PGLYRP3: variants seen among roughly 807,000 people sequenced by gnomAD.
PGLYRP3 encodes peptidoglycan recognition protein I alpha.
Under a neutral mutation model 36.0 loss-of-function variants are expected in PGLYRP3, and 39 were observed. The ratio of observed to expected loss-of-function variants is 1.08; its 90% confidence interval spans 0.84 to 1.41. PGLYRP3 has a LOEUF of 1.41. Among genes scored for constraint, PGLYRP3 ranks in the 40% most tolerant of loss-of-function variants. The pLI is 0.00. For synonymous variants in PGLYRP3, 204 were observed against 172.8 expected (o/e 1.18, Z -1.42); for missense variants, 407 against 427.9 (o/e 0.95, Z 0.43).
At chr1:153,299,333 C>A (rs1013683961) in intron 6 of PGLYRP3, 102 bp from the exon 7 acceptor site, 5 of 867,472 alleles carry the variant, frequency 5.8e-6, no homozygotes, top group Non-Finnish European at 9.2e-6. Context: ...ATCCATTCAT[C>A]CAATATTGAC....
chr1:153,306,860 G>A (rs1659749763), intron 3 of PGLYRP3, among the ~76,000 whole-genome samples: 2 of 152,146 alleles, frequency 1.3e-5, no homozygotes, highest in African/African-American at 4.8e-5. Flanking sequence ...CACCAGAATC[G>A]AAAGCCACTT....
chr1:153,311,665 A>G (rs1650551794), intron 1 of PGLYRP3, among the ~76,000 whole-genome samples: 1 of 152,224 alleles, frequency 6.6e-6, no homozygotes, highest in Admixed American at 6.5e-5. Context: ...GCTACCACCC[A>G]AAACATCAAC....
At chr1:153,306,500 C>T (rs1659741409) in intron 3 of PGLYRP3, among the ~76,000 whole-genome samples, 2 of 152,226 alleles carry the variant, frequency 1.3e-5, no homozygotes, top group African/African-American at 2.4e-5. Context: ...GTGGGGTCCC[C>T]GGACTTGCTG....
intron 3 of PGLYRP3, among the ~76,000 whole-genome samples, chr1:153,306,859 C>T (rs572261242): frequency 2.0e-5 from 3 of 152,306 alleles, no homozygotes; most frequent in East Asian, 1.9e-4. Context: ...GCACCAGAAT[C>T]GAAAGCCACT....
chr1:153,308,517 G>A (rs758955531), intron 2 of PGLYRP3, among the ~76,000 whole-genome samples: 84 of 152,256 alleles, frequency 5.5e-4, no homozygotes, highest in Middle Eastern at 3.4e-3. Flanking sequence ...TCACCATTGC[G>A]ACCCTTGTGA....
Position 153,297,864 on chromosome 1 carries a change from G to T in PGLYRP3, c.*92C>A. ...GAGAAAGGATGGGCTGGCAGGGGAG[G>T]GGGACACAAGGTGCTGAGCCACCTT... is the stretch of plus-strand genomic sequence containing the variant. On this transcript the variant is annotated 3_prime_UTR_variant, in exon 8 of 8. Coordinates refer to ENST00000683862, the MANE Select transcript of PGLYRP3 (RefSeq NM_052891.3). The T allele has an allele frequency of 2.2e-6, 3 of 1,387,284 alleles. No homozygotes were observed. The highest frequency in any genetic ancestry group is 2.0e-6 in the Non-Finnish European group (2 of 1,002,672). The allele number at this position is 1,387,284 out of a possible 1,614,324, so 85.9% of individuals were successfully genotyped here. A position where few individuals can be genotyped will look rare whatever the true frequency, so the allele number is the denominator to read the frequency against.
chr1:153,298,110 AG>A lies in PGLYRP3; in HGVS notation c.871del (p.Leu291TrpfsTer7). 6.2e-7 allele frequency: 1 copy of A among 1,613,748 alleles called. No individual in the cohort carries two copies. Among genetic ancestry groups the A allele is most frequent in the Non-Finnish European group, 8.5e-7 (1 of 1,179,942 alleles). ...FVEKPPNAAA[L>X]EAAQDLIQCA... ...CTGGATCAGGTCCTGGGCCGCCTCC[AG>A]CGCTGCAGCATTTGGAGGCTTTTCT... On this transcript the variant is annotated frameshift_variant, in exon 8 of 8. Transcript: ENST00000683862. LOFTEE classifies it high-confidence loss of function.
rs747739039 is a variant in PGLYRP3, at chr1:153,299,228, G to T, written c.732C>A (p.Phe244Leu). 3.7e-6 allele frequency: 6 copies of T among 1,613,252 alleles called. No homozygotes were observed. The highest frequency in any genetic ancestry group is 5.1e-6 in the Non-Finnish European group (6 of 1,179,364). Residue 244 changes from phenylalanine (F) to leucine (L), a missense_variant, in exon 7 of 8, where the codon TTC (phenylalanine) becomes TTA (leucine). By Grantham distance (22) the Phe-to-Leu change is conservative (BLOSUM62 0). Transcript: ENST00000683862. ...TRNFCDIGYH[F>L]LVGQDGGVYE... ...ACACGCCACCATCCTGGCCCACCAGGAAGCTTAGGTCAGGAAAAGAAAATG... is the reference window on the plus strand; with the variant it reads ...ACACGCCACCATCCTGGCCCACCAGTAAGCTTAGGTCAGGAAAAGAAAATG...
rs200831497 is a variant in PGLYRP3, at chr1:153,310,616, G to A, written c.50C>T (p.Ala17Val). The change falls in exon 2 of 8, where the codon GCT (alanine) becomes GTT (valine). Residue 17 changes from alanine (A) to valine (V), a missense_variant. Ala to Val is a moderately conservative substitution (Grantham distance 64). Coordinates refer to ENST00000683862, the MANE Select transcript of PGLYRP3 (RefSeq NM_052891.3). ...TGCAAGTAAATAAAACTTACCCCAA[G>A]CCTGGAGACCCAGAATGAAGAAGGC... ...LLAFFILGLQ[A>V]WDTPTIVSRK... 1.7e-5 allele frequency: 27 copies of A among 1,614,058 alleles called. No individual in the cohort carries two copies. In the Admixed American group the frequency reaches 4.3e-4, roughly 26 times the overall value.
At chr1:153,300,174 C>A (rs956779312) in intron 6 of PGLYRP3, among the ~76,000 whole-genome samples, 2 of 152,122 alleles carry the variant, frequency 1.3e-5, no homozygotes, top group Non-Finnish European at 2.9e-5. Context: ...TCTTTCAAAT[C>A]TATTTGTAAT....
intron 1 of PGLYRP3, 72 bp from the exon 2 acceptor site, chr1:153,310,778 C>T: frequency 1.1e-6 from 1 of 925,576 alleles, no homozygotes; most frequent in Admixed American, 2.1e-5. Flanking sequence ...CTATGTGGCA[C>T]CACTGTCTGC....
chr1:153,300,776 A>AACAATGTAC (rs57577697), intron 6 of PGLYRP3, among the ~76,000 whole-genome samples: 3 of 151,790 alleles, frequency 2.0e-5, no homozygotes, highest in Non-Finnish European at 4.4e-5. Flanking sequence ...TTTCAAAACA[A>AACAATGTAC]ACTTTTGCCT....
Position 153,299,065 on chromosome 1 carries a change from A to G in PGLYRP3, c.847+48T>C, listed in dbSNP as rs202200302. The G allele has an allele frequency of 2.3e-4, 340 of 1,472,504 alleles. 2 individuals are homozygous for G. In the East Asian group the frequency reaches 7.6e-3, roughly 33 times the overall value. 91.2% of individuals were successfully genotyped at this position (1,472,504 alleles called of 1,614,324 possible). ...CCGCCATGCTTCCCAGACATGCTGC[A>G]TGGTCCTTCAACCCCCAGCACCCCT... is the stretch of plus-strand genomic sequence containing the variant. On this transcript the variant is annotated intron_variant, in intron 7 of 7. Coordinates refer to ENST00000683862, the MANE Select transcript of PGLYRP3 (RefSeq NM_052891.3).
At chr1:153,299,085 ACC>A (rs1557806620) in intron 7 of PGLYRP3, 26 bp downstream of exon 7, 12 of 1,579,036 alleles carry the variant, frequency 7.6e-6, no homozygotes, top group Non-Finnish European at 1.0e-5. Flanking sequence ...AACCCCCAGC[ACC>A]CCTCTACCCC....
In PGLYRP3 at chr1:153,299,106, C is replaced by A. The variant is rs1379766037; in HGVS notation, c.847+7G>T. ...CAGCACCCCTCTACCCCATGCTCAC[C>A]CCTTACCTACAAAGTAGCCGATGAA... On this transcript the variant is annotated splice_region_variant and intron_variant, in intron 7 of 7. Coordinates refer to ENST00000683862, the MANE Select transcript of PGLYRP3 (RefSeq NM_052891.3). 1 of 1,612,012 alleles carries A rather than the reference C, an allele frequency of 6.2e-7. No homozygotes were observed. Among genetic ancestry groups the A allele is most frequent in the Admixed American group, 1.7e-5 (1 of 60,008 alleles).
At chr1:153,302,140 G>T (rs1659612732) in intron 6 of PGLYRP3, among the ~76,000 whole-genome samples, 1 of 152,176 alleles carries the variant, frequency 6.6e-6, no homozygotes, top group South Asian at 2.1e-4. Flanking sequence ...TTCCCTGAGG[G>T]TATCACAGTC....
At chr1:153,304,290 GC>G (rs1221315812) in intron 4 of PGLYRP3, among the ~76,000 whole-genome samples, 1 of 152,172 alleles carries the variant, frequency 6.6e-6, no homozygotes, top group Non-Finnish European at 1.5e-5. Flanking sequence ...GCAAAGGGAG[GC>G]CCACCTGACC....
Position 153,304,957 on chromosome 1 carries a change from G to T in PGLYRP3, c.366C>A (p.Gly122=). 6.2e-7 allele frequency: 1 copy of T among 1,613,022 alleles called. No individual in the cohort carries two copies. Among genetic ancestry groups the T allele is most frequent in the Admixed American group, 1.7e-5 (1 of 59,866 alleles). ...GGGAGTGACCCTTACCTATCTTATT[G>T]CCAAAGAAGGCGATGCCCAGGGAAA... ...NNISLGIAFF[G]NKIGSSPSPA... Residue 122 remains glycine, a synonymous_variant, in exon 4 of 8, where the codon GGC becomes GGA. Coordinates refer to ENST00000683862, the MANE Select transcript of PGLYRP3 (RefSeq NM_052891.3).
At position 153,307,148 on chromosome 1, in the gene PGLYRP3, G is replaced by A. The variant is rs141675539; in HGVS notation, c.175C>T (p.Gln59Ter). ...TDQLPGMQCQ[Q>*]QSVCSQMLRG... Reference sequence around the variant, plus strand: ...AGCATCTGGCTGCAAACGCTCTGCTGCTGGCACTGCATCCCTGGGAGCTGG... The same window carrying A: ...AGCATCTGGCTGCAAACGCTCTGCTACTGGCACTGCATCCCTGGGAGCTGG... Residue 59 changes from glutamine to a stop codon, truncating the protein, a stop_gained, in exon 3 of 8, where the codon CAG becomes TAG. Coordinates refer to ENST00000683862, the MANE Select transcript of PGLYRP3 (RefSeq NM_052891.3). LOFTEE classifies it high-confidence loss of function. 49 of 1,612,488 alleles carry A rather than the reference G, an allele frequency of 3.0e-5. No homozygotes were observed. The highest frequency in any genetic ancestry group is 8.4e-5 in the Admixed American group (5 of 59,826).
Sources: allele counts gnomAD v4.1 joint callset (sites outside exome capture counted in the v4.1 genomes callset), GRCh38; gene constraint gnomAD v4.1.1; transcripts MANE v1.5; gene names NCBI Gene and HGNC (gene_info 2026-07-23, HGNC 2026-07-21).